Variants in NRBP1 observed in about 807,000 individuals in gnomAD.
NRBP1 encodes the protein nuclear receptor-binding protein.
Under a neutral mutation model 76.0 loss-of-function variants are expected in NRBP1, and 10 were observed. The ratio of observed to expected loss-of-function variants is 0.13; its 90% CI spans 0.08 to 0.22. The LOEUF (loss-of-function observed/expected upper bound fraction) is 0.22, where lower values mean the gene tolerates loss of function less well. Among genes scored for constraint, NRBP1 ranks in the 10% least tolerant of loss-of-function variants. NRBP1 has a pLI of 1.00. For synonymous variants in NRBP1, 235 were observed against 240.2 expected (o/e 0.98, Z 0.20); for missense variants, 344 against 646.0 (o/e 0.53, Z 5.07).
chr2:27,440,461 A>C lies in NRBP1; in HGVS notation c.1095A>C (p.Val365=), dbSNP rs1394877656. The change falls in exon 12 of 18, where the codon GTA becomes GTC. Residue 365 remains valine, a synonymous_variant. Coordinates refer to ENST00000379852, the MANE Select transcript of NRBP1 (RefSeq NM_013392.4). ...CCAAAAACATGGATACTAGTGCCGTACTGGCTGAAATCCCTGCAGGACCAG... is the reference window on the plus strand; with the variant it reads ...CCAAAAACATGGATACTAGTGCCGTCCTGGCTGAAATCCCTGCAGGACCAG... ...EITKNMDTSA[V]LAEIPAGPGR... The C allele has an allele frequency of 1.2e-6, 2 of 1,614,180 alleles. No individual in the cohort carries two copies. Among genetic ancestry groups the C allele is most frequent in the South Asian group, 2.2e-5 (2 of 91,090 alleles).
At chr2:27,437,456 T>G (rs953560185) in intron 10 of NRBP1, 96 bp downstream of exon 10, 18 of 865,260 alleles carry the variant, frequency 2.1e-5, no homozygotes, top group East Asian at 5.1e-5. Flanking sequence ...TCCTAAGAGC[T>G]AGGGAACATA....
At chr2:27,429,648 C>T (rs1043439604) in intron 1 of NRBP1, among the ~76,000 whole-genome samples, 1 of 151,990 alleles carries the variant, frequency 6.6e-6, no homozygotes, top group South Asian at 2.1e-4. Flanking sequence ...AGGAGTAGTG[C>T]TGGAGAATCT....
intron 7 of NRBP1, chr2:27,435,443 G>T: frequency 1.7e-6 from 1 of 602,842 alleles, no homozygotes; most frequent in South Asian, 2.0e-5. Flanking sequence ...GGGAAAATTG[G>T]GGTTAATACA....
At position 27,439,884 on chromosome 2, in the gene NRBP1, T is replaced by C. The variant is rs145354088; in HGVS notation, c.1022T>C (p.Ile341Thr). 21 of 1,613,836 alleles carry C rather than the reference T, an allele frequency of 1.3e-5. No homozygotes were observed. The highest frequency in any genetic ancestry group is 3.3e-5 in the Admixed American group (2 of 59,994). ...CTCAAACTCCTTGCGGCCCACTGCA[T>C]TGTGGGACACCAACGTGAGTCGTCT... ...PSLKLLAAHC[I>T]VGHQHMIPEN... Residue 341 changes from isoleucine (I) to threonine (T), a missense_variant, in exon 11 of 18, where the codon ATT becomes ACT. By Grantham distance (89) the Ile-to-Thr change is moderately conservative. Around this residue, in one of 3 missense-constraint regions of NRBP1, gnomAD observed 218 missense variants for 309.8 expected, o/e 0.70. Transcript: ENST00000379852.
intron 1 of NRBP1, among the ~76,000 whole-genome samples, chr2:27,432,598 T>C (rs944608193): frequency 6.6e-6 from 1 of 152,162 alleles, no homozygotes; most frequent in Admixed American, 6.6e-5. Flanking sequence ...GTTTGTTTTT[T>C]GTTGAGACAG....
At position 27,442,173 on chromosome 2, in the gene NRBP1, AG is replaced by A; in HGVS notation, c.*362del. On this transcript the variant is annotated 3_prime_UTR_variant, in exon 18 of 18. Coordinates refer to ENST00000379852, the MANE Select transcript of NRBP1 (RefSeq NM_013392.4). ...CCCGCTGGGGCGGCCGGGGCGGGAGAGAAAGGTGGTGCTGCAGTGGTGGCCC... is the reference window on the plus strand; with the variant it reads ...CCCGCTGGGGCGGCCGGGGCGGGAGAAAAGGTGGTGCTGCAGTGGTGGCCC... 1 of 529,742 alleles carries A rather than the reference AG, an allele frequency of 1.9e-6. No homozygotes were observed. Among genetic ancestry groups the A allele is most frequent in the Non-Finnish European group, 3.3e-6 (1 of 303,678 alleles). 32.8% of individuals were successfully genotyped at this position (529,742 alleles called of 1,614,324 possible). A position where few individuals can be genotyped will look rare whatever the true frequency, so the allele number is the denominator to read the frequency against.
Position 27,441,592 on chromosome 2 carries a change from T to C in NRBP1, c.1473T>C (p.Ala491=). 6.2e-7 allele frequency: 1 copy of C among 1,614,168 alleles called. No homozygotes were observed. The highest frequency in any genetic ancestry group is 2.2e-5 in the East Asian group (1 of 44,886). ...MPNENIPELA[A]ELVQLGFISE... ...ATGAGAATATCCCCGAGTTGGCGGC[T>C]GAGCTGGTGCAGCTGGGCTTCATTA... Residue 491 remains alanine (A), a synonymous_variant, in exon 17 of 18, where the codon GCT becomes GCC. Transcript: ENST00000379852.
intron 16 of NRBP1, 74 bp downstream of exon 16, chr2:27,441,404 G>A: frequency 2.0e-6 from 3 of 1,491,722 alleles, no homozygotes; most frequent in Non-Finnish European, 2.8e-6. Flanking sequence ...CAGGGGTGGG[G>A]GAGGTGACAA....
intron 11 of NRBP1, 77 bp downstream of exon 11, chr2:27,439,975 T>A: frequency 4.1e-6 from 4 of 971,296 alleles, no homozygotes; most frequent in African/African-American, 1.6e-5. Context: ...CTTGTTTTCC[T>A]CTTTATTTCC....
chr2:27,435,718 A>G (rs1664280134), intron 7 of NRBP1: 1 of 717,388 alleles, frequency 1.4e-6, no homozygotes, highest in Non-Finnish European at 2.6e-6. Context: ...CTCTGTTCCC[A>G]ACAGTCTTTC....
intron 2 of NRBP1, 75 bp from the exon 3 acceptor site, chr2:27,433,598 G>A: frequency 6.2e-7 from 1 of 1,606,150 alleles, no homozygotes; most frequent in East Asian, 2.2e-5. Flanking sequence ...GCTAGGAGGA[G>A]ATGATCATAT....
At chr2:27,437,882 GAAAAA>G (rs879896615) in intron 10 of NRBP1, among the ~76,000 whole-genome samples, 1 of 136,102 alleles carries the variant, frequency 7.3e-6, no homozygotes, top group Admixed American at 7.4e-5. Flanking sequence ...CAGAAAAAAA[GAAAAA>G]AAAAAAAGTT....
intron 7 of NRBP1, chr2:27,436,174 A>G (rs1664298442): frequency 7.5e-6 from 2 of 267,894 alleles, no homozygotes; most frequent in Non-Finnish European, 1.5e-5. Flanking sequence ...AGTGGAACAG[A>G]TTCAAGGGTA....
At chr2:27,441,460 A>C in intron 16 of NRBP1, 107 bp from the exon 17 acceptor site, 2 of 1,446,220 alleles carry the variant, frequency 1.4e-6, no homozygotes, top group Non-Finnish European at 1.9e-6. Context: ...TTAGACCCTA[A>C]AGCAGTGGGT....
chr2:27,437,397 C>CT (rs772091796), intron 10 of NRBP1, 37 bp downstream of exon 10: 54 of 1,444,182 alleles, frequency 3.7e-5, no homozygotes, highest in Non-Finnish European at 5.1e-5. Context: ...CTCAACTGAC[C>CT]TTCAAATGTC....
chr2:27,436,480 T>C (rs1664311907), intron 7 of NRBP1: 3 of 423,876 alleles, frequency 7.1e-6, no homozygotes, highest in Non-Finnish European at 1.3e-5. Flanking sequence ...TAGACCAGCC[T>C]GAAGCCCCTG....
intron 8 of NRBP1, 87 bp from the exon 9 acceptor site, chr2:27,436,955 TTTTTC>T (rs1458543297): frequency 6.0e-5 from 89 of 1,473,682 alleles, no homozygotes; most frequent in Non-Finnish European, 7.2e-5. Flanking sequence ...ATACAAAATA[TTTTTC>T]TTTTCTTTTT....
At position 27,433,969 on chromosome 2, in the gene NRBP1, A is replaced by G. The variant is rs765794280; in HGVS notation, c.334-20A>G. The stretch of plus-strand genomic sequence containing the variant: ...CAGTGATTTGTGACTCTGTTATTCC[A>G]CTGTCTCCCTTGCTTTCAGGAAAAG... On this transcript the variant is annotated intron_variant, in intron 3 of 17. Transcript: ENST00000379852. The G allele has an allele frequency of 1.1e-5, 18 of 1,608,512 alleles. No homozygotes were observed. In the African/African-American group the frequency reaches 2.1e-4, roughly 19 times the overall value.
In NRBP1 at chr2:27,433,355, A is replaced by G. The variant is rs1417718063; in HGVS notation, c.82A>G (p.Thr28Ala). The change falls in exon 2 of 18, where the codon ACA (threonine) becomes GCA (alanine). Residue 28 changes from threonine to alanine, a missense_variant. Physicochemically the swap from Thr to Ala is moderately conservative, Grantham distance 58. This residue lies in a region of NRBP1 where 53 missense variants were observed against 48.4 expected (regional missense o/e 1.09). Coordinates refer to ENST00000379852, the MANE Select transcript of NRBP1 (RefSeq NM_013392.4). ...ATCCTCATCTTCAGCTCCTGGCCTG[A>G]CATCAGTGTCACCTCCTGTGACCTC... ...VESSSSAPGL[T>A]SVSPPVTSTT... 2.5e-6 allele frequency: 4 copies of G among 1,614,234 alleles called. No individual in the cohort carries two copies. The highest frequency in any genetic ancestry group is 3.4e-6 in the Non-Finnish European group (4 of 1,180,046).
Sources: gnomAD v4.1 joint callset for allele counts (sites outside exome capture counted in the v4.1 genomes callset) on GRCh38, gnomAD v4.1.1 for gene constraint, gnomAD v4.1.1 regional missense constraint, MANE v1.5 for transcripts, NCBI Gene and HGNC (gene_info 2026-07-23, HGNC 2026-07-21) for gene names.